The following IGSF9B variants were observed in gnomAD, a reference collection of about 807,000 sequenced individuals.
The protein encoded by IGSF9B is protein turtle homolog B.
Under a neutral mutation model 143.7 loss-of-function variants are expected in IGSF9B, and 48 were observed. The ratio of observed to expected loss-of-function variants is 0.33; its 90% CI spans 0.26 to 0.42. The LOEUF (loss-of-function observed/expected upper bound fraction) is 0.42. Among genes scored for constraint, IGSF9B ranks in the 20% least tolerant of loss-of-function variants. The pLI is 1.00. For missense variants in IGSF9B, 1,706 were observed against 1,980.0 expected (o/e 0.86, Z 2.63); for synonymous variants, 903 against 833.1 (o/e 1.08, Z -1.44).
Position 133,945,601 on chromosome 11 carries a change from G to C in IGSF9B, c.262+460C>G, listed in dbSNP as rs1278387239. Among the ~76,000 whole-genome samples, 1 of 152,204 alleles carries C rather than the reference G, an allele frequency of 6.6e-6. No homozygotes were observed. Among genetic ancestry groups the C allele is most frequent in the Non-Finnish European group, 1.5e-5 (1 of 68,048 alleles). ...ACGGGGCCAGGAGAAGGAGAGGACA[G>C]CATGACAAGGAGGCAGACACCAGGC... is the stretch of plus-strand genomic sequence containing the variant. On this transcript the variant is annotated intron_variant, in intron 2 of 19. Transcript: ENST00000533871. The surrounding 1 kb of genome is among the most constrained non-coding windows in gnomAD (Gnocchi z 4.6).
Position 133,906,804 on chromosome 11 carries a change from G to A in IGSF9B, c.*2265C>T, listed in dbSNP as rs539034559. 7.2e-5 allele frequency among the ~76,000 whole-genome samples: 11 copies of A among 152,250 alleles called. No homozygotes were observed. The highest frequency in any genetic ancestry group is 1.9e-4 in the East Asian group (1 of 5,162). The stretch of plus-strand genomic sequence containing the variant: ...GCATCCCAGGGCCTGGCTGAGCCCC[G>A]TGAGCTCCTCTGGGGTAGAAATCTC... On this transcript the variant is annotated 3_prime_UTR_variant, in exon 20 of 20. Transcript: ENST00000533871.
rs1940048745 is a variant in IGSF9B, at chr11:133,946,213, G to A, written c.110C>T (p.Ala37Val). The A allele has an allele frequency of 6.2e-7, 1 of 1,613,610 alleles. No individual in the cohort carries two copies. The highest frequency in any genetic ancestry group is 1.1e-5 in the South Asian group (1 of 91,018). ...GCATCGCAGGACCACGCTCTCCCCA[G>A]CTCTTGCCGTCACAAACTCGGGCTC... Reference protein sequence around the residue: ...REEPEFVTARAGESVVLRCDV... With the variant: ...REEPEFVTARVGESVVLRCDV... Residue 37 changes from alanine to valine, a missense_variant, in exon 2 of 20, where the codon GCT becomes GTT. Coordinates refer to ENST00000533871, the MANE Select transcript of IGSF9B (RefSeq NM_001277285.4).
intron 18 of IGSF9B, 39 bp downstream of exon 18, chr11:133,919,703 T>G: frequency 2.4e-6 from 3 of 1,263,898 alleles, no homozygotes; most frequent in Middle Eastern, 2.0e-4. Flanking sequence ...GGGAAGGAAG[T>G]TGCCCAGGTG....
chr11:133,938,561 T>C (rs985944579), intron 3 of IGSF9B, among the ~76,000 whole-genome samples: 26 of 152,210 alleles, frequency 1.7e-4, no homozygotes, highest in Non-Finnish European at 3.2e-4. Context: ...TCTTCCCCCC[T>C]GCATTGGAGA....
At chr11:133,921,861 A>C (rs1939545806) in intron 17 of IGSF9B, among the ~76,000 whole-genome samples, 1 of 152,188 alleles carries the variant, frequency 6.6e-6, no homozygotes, top group African/African-American at 2.4e-5. Flanking sequence ...CATATTAAGG[A>C]GGCAAATCTG....
At chr11:133,940,412 C>T (rs1172806861) in intron 3 of IGSF9B, among the ~76,000 whole-genome samples, 4 of 145,724 alleles carry the variant, frequency 2.7e-5, no homozygotes, top group Non-Finnish European at 6.0e-5. Flanking sequence ...AAACATACAC[C>T]TTGCACGTCC....
rs1414437476 is a variant in IGSF9B, at chr11:133,909,264, G to A, written c.4119C>T (p.Ser1373=). The part of the protein sequence containing the change: ...KSKKRSDDSA[S]QTQQLPNSQV... ...GAGAGTTGGGAAGCTGCTGAGTCTG[G>A]GAGGCAGAATCGTCTAGGAAGAAAG... The change falls in exon 20 of 20, where the codon TCC becomes TCT. Residue 1373 remains serine (S), a synonymous_variant. Transcript: ENST00000533871. The surrounding 1 kb of genome is among the most constrained non-coding windows in gnomAD (Gnocchi z 4.2). 2.0e-6 allele frequency: 3 copies of A among 1,535,858 alleles called. No individual in the cohort carries two copies. In the Admixed American group the frequency reaches 5.9e-5, roughly 30 times the overall value.
intron 3 of IGSF9B, among the ~76,000 whole-genome samples, chr11:133,943,194 G>A (rs1412667378): frequency 1.3e-5 from 2 of 152,186 alleles, no homozygotes; most frequent in Admixed American, 6.5e-5. Flanking sequence ...AAGCACCCAC[G>A]CTGTTGAAGC....
chr11:133,922,224 TGGAAG>T lies in IGSF9B; in HGVS notation c.2282-7_2282-3del. 1 of 1,612,170 alleles carries T rather than the reference TGGAAG, an allele frequency of 6.2e-7. No individual in the cohort carries two copies. Among genetic ancestry groups the T allele is most frequent in the African/African-American group, 1.3e-5 (1 of 74,990 alleles). On this transcript the variant is annotated splice_polypyrimidine_tract_variant and splice_region_variant and intron_variant, in intron 16 of 19. Transcript: ENST00000533871. ...AGTGGGTGATGGAGAGTGGAGGGTC[TGGAAG>T]GAAAGAGAAGGGGAGAGGCTGCTGA...
chr11:133,953,453 T>C lies in IGSF9B; in HGVS notation c.64+3238A>G, dbSNP rs1194188667. On this transcript the variant is annotated intron_variant, in intron 1 of 19. Coordinates refer to ENST00000533871, the MANE Select transcript of IGSF9B (RefSeq NM_001277285.4). The surrounding 1 kb of genome is among the most constrained non-coding windows in gnomAD (Gnocchi z 4.2). ...ACACATCCATCCAGCCACTGACCACTTCCTGAGTGAAGTCCTTCTCAGCCG... is the reference window on the plus strand; with the variant it reads ...ACACATCCATCCAGCCACTGACCACCTCCTGAGTGAAGTCCTTCTCAGCCG... Among the ~76,000 whole-genome samples, 1 of 152,166 alleles carries C rather than the reference T, an allele frequency of 6.6e-6. No homozygotes were observed. Among genetic ancestry groups the C allele is most frequent in the Non-Finnish European group, 1.5e-5 (1 of 68,032 alleles).
chr11:133,936,593 G>A (rs1174234234), intron 5 of IGSF9B, among the ~76,000 whole-genome samples: 2 of 152,204 alleles, frequency 1.3e-5, no homozygotes, highest in Admixed American at 6.5e-5. Flanking sequence ...GTAAGCAGAG[G>A]GTGAAAGTCC....
chr11:133,938,912 G>A (rs527302522), intron 3 of IGSF9B, among the ~76,000 whole-genome samples: 1 of 152,144 alleles, frequency 6.6e-6, no homozygotes, highest in Non-Finnish European at 1.5e-5. Flanking sequence ...ATGATGTGAG[G>A]AATAAACATG....
intron 1 of IGSF9B, among the ~76,000 whole-genome samples, chr11:133,951,416 C>A (rs1174428258): frequency 6.6e-6 from 1 of 152,234 alleles, no homozygotes; most frequent in East Asian, 1.9e-4. Context: ...GGAGCCCCAG[C>A]CGCTCCTTAA....
chr11:133,951,958 A>G (rs1035173838), intron 1 of IGSF9B: 2 of 435,668 alleles, frequency 4.6e-6, no homozygotes, highest in Admixed American at 2.4e-5. Flanking sequence ...CCTGTGTGCA[A>G]GTCACAGGCC....
In IGSF9B at chr11:133,925,715, A is replaced by C. The variant is rs200981188; in HGVS notation, c.2034+24T>G. 4,675 of 1,595,060 alleles carry C rather than the reference A, an allele frequency of 2.9e-3. 10 individuals are homozygous for C. The highest frequency in any genetic ancestry group is 3.7e-3 in the Non-Finnish European group (4,292 of 1,165,988). ...TCGCTTCCCGGATTTGGGAAGCAGC[A>C]GCAAGGAAGAGCAAAGCCCTCACCT... is the stretch of plus-strand genomic sequence containing the variant. On this transcript the variant is annotated intron_variant, in intron 14 of 19. Transcript: ENST00000533871.
intron 11 of IGSF9B, among the ~76,000 whole-genome samples, chr11:133,930,611 C>A (rs1295486783): frequency 6.6e-6 from 1 of 152,158 alleles, no homozygotes; most frequent in Non-Finnish European, 1.5e-5. Context: ...CAGCTCTGCC[C>A]TCATCTGAGA....
At chr11:133,952,239 C>A (rs2121350950) in intron 1 of IGSF9B, 1 of 347,852 alleles carries the variant, frequency 2.9e-6, no homozygotes, top group South Asian at 2.2e-5. Flanking sequence ...ATGGGCAGCG[C>A]CTTTTGGGGA....
At chr11:133,942,278 G>C (rs11223633) in intron 3 of IGSF9B, among the ~76,000 whole-genome samples, 1 of 152,152 alleles carries the variant, frequency 6.6e-6, no homozygotes, top group Non-Finnish European at 1.5e-5. Context: ...GCAAATCATA[G>C]TCCCTGCTTT....
rs1011852287 is a variant in IGSF9B, at chr11:133,926,949, C to T, written c.1774G>A (p.Ala592Thr). The T allele has an allele frequency of 4.4e-6, 7 of 1,598,530 alleles. No homozygotes were observed. Among genetic ancestry groups the T allele is most frequent in the African/African-American group, 1.3e-5 (1 of 74,716 alleles). Residue 592 changes from alanine (A) to threonine (T), a missense_variant, in exon 13 of 20, where the codon GCC (alanine) becomes ACC (threonine). Coordinates refer to ENST00000533871, the MANE Select transcript of IGSF9B (RefSeq NM_001277285.4). Reference protein sequence around the residue: ...VLAQNKLGTSAFSEVVTVNTL... With the variant: ...VLAQNKLGTSTFSEVVTVNTL... ...TTCACAGTGACCACCTCACTGAAGG[C>T]GCTGGTTCCCAGCTTGTTCTGGGCC...
Sources: gnomAD v4.1 joint callset for allele counts (sites outside exome capture counted in the v4.1 genomes callset) on GRCh38, gnomAD v4.1.1 for gene constraint, Gnocchi (gnomAD v3.1) non-coding constraint, MANE v1.5 for transcripts, NCBI Gene and HGNC (gene_info 2026-07-23, HGNC 2026-07-21) for gene names.